Variants in SNX25 observed in about 807,000 individuals in gnomAD.
SNX25 encodes the protein sorting nexin-25.
In SNX25, 62 loss-of-function variants were observed where a neutral mutation model predicts 113.7. The ratio of observed to expected loss-of-function variants is 0.55; its 90% CI spans 0.44 to 0.67. SNX25 has a LOEUF of 0.67. SNX25 is among the 30% of genes least tolerant of loss of function. SNX25 has a pLI of 0.00. For missense variants in SNX25, 1,014 were observed against 1,161.0 expected (o/e 0.87, Z 1.84); for synonymous variants, 421 against 436.2 (o/e 0.97, Z 0.43).
chr4:185,206,306 A>G (rs1374050450), upstream of SNX25, among the ~76,000 whole-genome samples: 2 of 152,214 alleles, frequency 1.3e-5, no homozygotes, highest in Non-Finnish European at 2.9e-5. Context: ...AAAATGGAAT[A>G]TTATTCAGCC....
At chr4:185,302,689 C>T (rs1183176185) in intron 6 of SNX25, among the ~76,000 whole-genome samples, 1 of 152,228 alleles carries the variant, frequency 6.6e-6, no homozygotes, top group African/African-American at 2.4e-5. Flanking sequence ...TGCTTGTGGA[C>T]TTCCAGCCTC....
chr4:185,245,248 T>TA (rs11286036), intron 1 of SNX25, among the ~76,000 whole-genome samples: 50,853 of 151,304 alleles, frequency 0.34, 10,332 homozygotes, highest in East Asian at 0.55. Flanking sequence ...TGTGATCAAG[T>TA]AAAAAAAAAT....
chr4:185,282,931 C>G (rs1413042703), intron 5 of SNX25, among the ~76,000 whole-genome samples: 3 of 152,140 alleles, frequency 2.0e-5, no homozygotes, highest in African/African-American at 4.8e-5. Context: ...GTCCCCGTGT[C>G]CTCATGGATA....
At chr4:185,327,461 T>C (rs2095164526) in intron 9 of SNX25, among the ~76,000 whole-genome samples, 1 of 152,244 alleles carries the variant, frequency 6.6e-6, no homozygotes, top group Non-Finnish European at 1.5e-5. Context: ...CTCAACTTTC[T>C]CATTTGTTGT....
chr4:185,378,370 G>T, the SNX25 span: 22 of 1,405,316 alleles, frequency 1.6e-5, no homozygotes, highest in Middle Eastern at 1.9e-4. Context: ...TCTTTACTAG[G>T]ACACCAAGAC....
chr4:185,220,301 CTTTAAG>C (rs1739582303), intron 1 of SNX25, among the ~76,000 whole-genome samples: 1 of 151,572 alleles, frequency 6.6e-6, no homozygotes, highest in Admixed American at 6.6e-5. Flanking sequence ...TAGTATTATA[CTTTAAG>C]TTTTAGGGTA....
At chr4:185,231,945 A>G (rs1333148703) in intron 1 of SNX25, among the ~76,000 whole-genome samples, 1 of 152,208 alleles carries the variant, frequency 6.6e-6, no homozygotes, top group Admixed American at 6.5e-5. Context: ...CCATATCTTA[A>G]TATGACACAT....
chr4:185,350,467 T>G (rs1425921074), intron 13 of SNX25, among the ~76,000 whole-genome samples: 1 of 152,218 alleles, frequency 6.6e-6, no homozygotes, highest in Non-Finnish European at 1.5e-5. Context: ...CCATAGCACT[T>G]GTACATAGAC....
intron 6 of SNX25, chr4:185,296,045 C>G (rs1361639776): frequency 6.6e-6 from 1 of 152,322 alleles, no homozygotes; most frequent in Non-Finnish European, 1.5e-5. Flanking sequence ...GGGCTGCTCT[C>G]CGCTTCCAGA....
At chr4:185,236,673 G>T (rs535488662) in intron 1 of SNX25, among the ~76,000 whole-genome samples, 1 of 152,264 alleles carries the variant, frequency 6.6e-6, no homozygotes, top group South Asian at 2.1e-4. Flanking sequence ...ACAGCCAGAT[G>T]CAAAGTTGTA....
At chr4:185,270,989 A>G (rs1748847691) in intron 5 of SNX25, among the ~76,000 whole-genome samples, 1 of 152,210 alleles carries the variant, frequency 6.6e-6, no homozygotes, top group Admixed American at 6.5e-5. Context: ...GAGCATCTTC[A>G]GTGACGTTGT....
rs114074486 is a variant in SNX25, at chr4:185,210,808, G to A, written c.429+553G>A. 2.7e-3 allele frequency among the ~76,000 whole-genome samples: 404 copies of A among 152,148 alleles called. No individual in the cohort carries two copies. The highest frequency in any genetic ancestry group is 4.2e-3 in the Non-Finnish European group (288 of 68,002). ...TACGTATTATAGTTGTGCAGTCCCC[G>A]CTGGCTTCTGTGATTTGGAAGGGGG... On this transcript the variant is annotated intron_variant, in intron 1 of 18. Coordinates refer to ENST00000652585, the MANE Select transcript of SNX25 (RefSeq NM_001378034.2). This position sits in a 1 kb window ranked among gnomAD's most constrained non-coding sequence, Gnocchi z 4.4.
upstream of SNX25, among the ~76,000 whole-genome samples, chr4:185,206,055 G>A (rs1737175349): frequency 6.6e-6 from 1 of 152,180 alleles, no homozygotes; most frequent in South Asian, 2.1e-4. Flanking sequence ...CTTATGCATT[G>A]CTTGTGAGAA....
chr4:185,282,407 G>C (rs1293847836), intron 5 of SNX25, among the ~76,000 whole-genome samples: 1 of 152,092 alleles, frequency 6.6e-6, no homozygotes, highest in Non-Finnish European at 1.5e-5. Context: ...GACCTCAAGT[G>C]ATCTACCCAC....
intron 5 of SNX25, 43 bp downstream of exon 5, chr4:185,267,198 T>G (rs374744866): frequency 3.0e-4 from 473 of 1,558,820 alleles, no homozygotes; most frequent in Non-Finnish European, 3.3e-4. Context: ...CTACTGATTA[T>G]CATCCCCTGC....
chr4:185,377,238 C>T, the SNX25 span: 1 of 487,790 alleles, frequency 2.1e-6, no homozygotes, highest in Non-Finnish European at 3.7e-6. Context: ...GCAATACTGG[C>T]CGGGCGCGGT....
At chr4:185,323,893 C>T in intron 9 of SNX25, 93 bp downstream of exon 9, 9 of 1,322,662 alleles carry the variant, frequency 6.8e-6, no homozygotes, top group Non-Finnish European at 9.4e-6. Flanking sequence ...ATTTGATGCA[C>T]ATCTTCATCT....
chr4:185,251,542 T>C (rs1745642109), intron 2 of SNX25, among the ~76,000 whole-genome samples: 1 of 152,068 alleles, frequency 6.6e-6, no homozygotes. Flanking sequence ...GTTTCATCCA[T>C]ATTGTAGCAT....
In SNX25 at chr4:185,300,163, ATT is replaced by A. The variant is rs11321386; in HGVS notation, c.1163-10459_1163-10458del. Among the ~76,000 whole-genome samples the A allele has an allele frequency of 6.6e-3, 967 of 147,360 alleles. 16 individuals are homozygous for A. Among genetic ancestry groups the A allele is most frequent in the South Asian group, 0.051 (235 of 4,652 alleles). On this transcript the variant is annotated intron_variant, in intron 6 of 18. Transcript: ENST00000652585. ...GAATCATAACAATGTCCACTAGGAAATTTTTTTTTTTTTTGAGGTGGAGCCTC... is the reference window on the plus strand; with the variant it reads ...GAATCATAACAATGTCCACTAGGAAATTTTTTTTTTTTGAGGTGGAGCCTC...
Sources: gnomAD v4.1 joint callset for allele counts (sites outside exome capture counted in the v4.1 genomes callset) on GRCh38, gnomAD v4.1.1 for gene constraint, Gnocchi (gnomAD v3.1) non-coding constraint, MANE v1.5 for transcripts, NCBI Gene and HGNC (gene_info 2026-07-23, HGNC 2026-07-21) for gene names.